Variants in ARHGAP42 observed in about 807,000 individuals in gnomAD.
The protein encoded by ARHGAP42 is rho GTPase-activating protein 42.
ARHGAP42 carries 63 observed loss-of-function variants against 125.0 expected under a neutral mutation model. The ratio of observed to expected loss-of-function variants is 0.50; its 90% CI spans 0.41 to 0.62. ARHGAP42 has a LOEUF of 0.62. Among genes scored for constraint, ARHGAP42 ranks in the 20% least tolerant of loss-of-function variants. The probability of loss-of-function intolerance (pLI) is 0.00; values close to 1 mark genes in which losing one functional copy is unlikely to be tolerated. For missense variants in ARHGAP42, 766 were observed against 1,024.2 expected, an observed-to-expected ratio of 0.75 and a Z score of 3.44; for synonymous variants, 339 against 351.0, an observed-to-expected ratio of 0.97 and a Z score of 0.38.
chr11:100,829,112 C>T (rs1864599509), intron 3 of ARHGAP42, among the ~76,000 whole-genome samples: 1 of 152,108 alleles, frequency 6.6e-6, no homozygotes, highest in Non-Finnish European at 1.5e-5. Flanking sequence ...GTCTGTGGCC[C>T]TTATCCTCAT....
At chr11:100,717,375 T>C (rs903935138) in intron 1 of ARHGAP42, among the ~76,000 whole-genome samples, 1 of 152,118 alleles carries the variant, frequency 6.6e-6, no homozygotes, top group Non-Finnish European at 1.5e-5. Flanking sequence ...CGGTGGCTCA[T>C]GCCTGTAATC....
At chr11:100,708,735 T>C (rs933951893) in intron 1 of ARHGAP42, among the ~76,000 whole-genome samples, 2 of 152,154 alleles carry the variant, frequency 1.3e-5, no homozygotes, top group Admixed American at 1.3e-4. Context: ...AAAATATAAA[T>C]ATTATAATTG....
chr11:100,795,681 A>G (rs963224494), intron 3 of ARHGAP42, among the ~76,000 whole-genome samples: 73 of 152,376 alleles, frequency 4.8e-4, no homozygotes, highest in African/African-American at 1.7e-3. Flanking sequence ...ATTAGAGCAT[A>G]GTTATTGGTG....
At chr11:100,940,886 A>G (rs1376389893) in intron 8 of ARHGAP42, among the ~76,000 whole-genome samples, 9 of 152,154 alleles carry the variant, frequency 5.9e-5, no homozygotes, top group Admixed American at 2.0e-4. Flanking sequence ...GCTCACATAG[A>G]TTCATAAAAT....
At chr11:100,928,210 C>G (rs985888273) in intron 6 of ARHGAP42, among the ~76,000 whole-genome samples, 1 of 152,024 alleles carries the variant, frequency 6.6e-6, no homozygotes. Context: ...GTTTAGATGG[C>G]CAAATATGAA....
intron 1 of ARHGAP42, among the ~76,000 whole-genome samples, chr11:100,735,640 C>T (rs571191662): frequency 1.6e-3 from 120 of 73,152 alleles, no homozygotes; most frequent in Non-Finnish European, 2.3e-3. Flanking sequence ...TGGAGTTTTG[C>T]TCTTGTTGCC....
rs1280885903 is a variant in ARHGAP42 at position 100,991,577 on chromosome 11, C to T, written c.*2776C>T. ...TGTGAAAATATCCCTCAGTACAAAA[C>T]ATTTGTGTGTTTCACAGATGACTCT... On this transcript the variant is annotated 3_prime_UTR_variant, in exon 24 of 24. Coordinates refer to ENST00000298815, the MANE Select transcript of ARHGAP42 (RefSeq NM_152432.4). The T allele has an allele frequency of 6.6e-6, 1 of 152,166 alleles. No individual in the cohort carries two copies. Among genetic ancestry groups the T allele is most frequent in the African/African-American group, 2.4e-5 (1 of 41,440 alleles). 9.4% of individuals were successfully genotyped at this position (152,166 alleles called of 1,614,324 possible).
intron 1 of ARHGAP42, among the ~76,000 whole-genome samples, chr11:100,720,759 A>G (rs1215468231): frequency 1.3e-5 from 2 of 152,130 alleles, no homozygotes; most frequent in East Asian, 3.8e-4. Context: ...TAAAATATAC[A>G]TATATACATG....
intron 1 of ARHGAP42, among the ~76,000 whole-genome samples, chr11:100,761,179 G>T (rs920511761): frequency 5.3e-5 from 8 of 152,168 alleles, no homozygotes; most frequent in Non-Finnish European, 8.8e-5. Flanking sequence ...TGCTTGGGCT[G>T]CCAGCATCTA....
chr11:100,909,385 G>A (rs1428292919), intron 4 of ARHGAP42, among the ~76,000 whole-genome samples: 1 of 124,756 alleles, frequency 8.0e-6, no homozygotes, highest in East Asian at 2.5e-4. Context: ...CACTCTTGTT[G>A]CCCAGGCTGG....
At position 100,811,384 on chromosome 11, in the gene ARHGAP42, A is replaced by G. The variant is rs73575600; in HGVS notation, c.312+16218A>G. Among the ~76,000 whole-genome samples, 1,152 of 152,350 alleles carry G rather than the reference A, an allele frequency of 7.6e-3. 10 individuals are homozygous for G. The highest frequency in any genetic ancestry group is 0.026 in the African/African-American group (1,099 of 41,584). ...AGTAAAAGAAGTAAATCCATTTATA[A>G]GGAAAAATGTAGGACATGGCCATGG... is the stretch of plus-strand genomic sequence containing the variant. On this transcript the variant is annotated intron_variant, in intron 3 of 23. Transcript: ENST00000298815.
chr11:100,881,370 C>A (rs2135176794), intron 4 of ARHGAP42, among the ~76,000 whole-genome samples: 1 of 152,244 alleles, frequency 6.6e-6, no homozygotes, highest in South Asian at 2.1e-4. Flanking sequence ...TTTACTTTAT[C>A]AAAGATGAGT....
chr11:100,838,691 T>A (rs1224740267), intron 3 of ARHGAP42, among the ~76,000 whole-genome samples: 1 of 150,976 alleles, frequency 6.6e-6, no homozygotes, highest in Non-Finnish European at 1.5e-5. Flanking sequence ...AGACCGTATC[T>A]CAAAAACAAA....
intron 21 of ARHGAP42, 39 bp downstream of exon 21, chr11:100,977,010 A>C: frequency 1.9e-6 from 3 of 1,548,374 alleles, no homozygotes; most frequent in Non-Finnish European, 2.6e-6. Context: ...TCTCCCAGGG[A>C]TACAGAGAGG....
Position 100,993,604 on chromosome 11 carries a change from C to G in ARHGAP42, c.*4803C>G, listed in dbSNP as rs772143579. ...GACACCTGGGTTTTTAATTCAGAAC[C>G]CTATTTATATACTGTTAAAATTTGA... On this transcript the variant is annotated 3_prime_UTR_variant, in exon 24 of 24. Coordinates refer to ENST00000298815, the MANE Select transcript of ARHGAP42 (RefSeq NM_152432.4). 4 of 167,030 alleles carry G rather than the reference C, an allele frequency of 2.4e-5. No individual in the cohort carries two copies. Among genetic ancestry groups the G allele is most frequent in the East Asian group, 1.9e-4 (1 of 5,176 alleles). 10.3% of individuals were successfully genotyped at this position (167,030 alleles called of 1,614,324 possible).
At chr11:100,801,064 T>C (rs1385889999) in intron 3 of ARHGAP42, among the ~76,000 whole-genome samples, 1 of 152,246 alleles carries the variant, frequency 6.6e-6, no homozygotes, top group East Asian at 1.9e-4. Context: ...AATTTCATAT[T>C]GGAAGTGCTC....
intron 1 of ARHGAP42, among the ~76,000 whole-genome samples, chr11:100,768,256 G>A (rs752511374): frequency 6.6e-6 from 1 of 152,178 alleles, no homozygotes; most frequent in Non-Finnish European, 1.5e-5. Context: ...ACAATAACAA[G>A]TGGGAATTTA....
chr11:100,845,889 T>G (rs936042227), intron 3 of ARHGAP42, among the ~76,000 whole-genome samples: 2 of 152,156 alleles, frequency 1.3e-5, no homozygotes, highest in African/African-American at 2.4e-5. Flanking sequence ...TCAGCCTAAT[T>G]GAGTTTTTGG....
chr11:100,813,198 G>A (rs1455071971), intron 3 of ARHGAP42, among the ~76,000 whole-genome samples: 1 of 151,826 alleles, frequency 6.6e-6, no homozygotes, highest in Admixed American at 6.7e-5. Context: ...TGATATTTTG[G>A]AACAGATATG....
Sources: gnomAD v4.1 joint callset for allele counts (sites outside exome capture counted in the v4.1 genomes callset) on GRCh38, gnomAD v4.1.1 for gene constraint, MANE v1.5 for transcripts, NCBI Gene and HGNC (gene_info 2026-07-23, HGNC 2026-07-21) for gene names.